Variants in NUP155 observed in about 807,000 individuals in gnomAD.
NUP155 encodes the protein nucleoporin 155, also known as nuclear pore complex protein Nup155.
Under a neutral mutation model 180.4 loss-of-function variants are expected in NUP155, and 71 were observed. The observed-to-expected ratio is 0.39, with a 90% CI of 0.33 to 0.48. The LOEUF is 0.48. Among genes scored for constraint, NUP155 ranks in the 20% least tolerant of loss-of-function variants. The pLI is 0.91. For synonymous variants in NUP155, 582 were observed against 559.5 expected (o/e 1.04, Z -0.57); for missense variants, 1,553 against 1,648.9 (o/e 0.94, Z 1.01).
intron 9 of NUP155, among the ~76,000 whole-genome samples, chr5:37,346,471 A>C (rs1746094132): frequency 6.6e-6 from 1 of 152,212 alleles, no homozygotes; most frequent in South Asian, 2.1e-4. Context: ...CAGGAGGTCG[A>C]GACCAGCCTG....
At chr5:37,358,034 G>A (rs746639684) in intron 4 of NUP155, 47 bp downstream of exon 4, 1 of 1,303,670 alleles carries the variant, frequency 7.7e-7, no homozygotes, top group Admixed American at 1.7e-5. Flanking sequence ...ACCATTTGGA[G>A]TTTACATATA....
intron 11 of NUP155, among the ~76,000 whole-genome samples, chr5:37,339,381 G>A (rs964561645): frequency 6.6e-6 from 1 of 150,648 alleles, no homozygotes; most frequent in Non-Finnish European, 1.5e-5. Context: ...TAATCCTAGC[G>A]CTTTGGGAGG....
At position 37,288,534 on chromosome 5, in the gene NUP155, G is replaced by A. The variant is rs1198162914; in HGVS notation, c.*3366C>T. The A allele has an allele frequency of 6.6e-6, 1 of 151,948 alleles. No individual in the cohort carries two copies. The highest frequency in any genetic ancestry group is 1.5e-5 in the Non-Finnish European group (1 of 68,000). 9.4% of individuals were successfully genotyped at this position (151,948 alleles called of 1,614,324 possible). On this transcript the variant is annotated 3_prime_UTR_variant, in exon 35 of 35. Transcript: ENST00000231498. ...TTCACAACTTCAATGATTCTTCACT[G>A]CCCACAATTAACGCACTGTTTCATA...
chr5:37,324,023 G>C lies in NUP155; in HGVS notation c.2176C>G (p.Gln726Glu). The C allele has an allele frequency of 6.2e-7, 1 of 1,612,216 alleles. No individual in the cohort carries two copies. The highest frequency in any genetic ancestry group is 8.5e-7 in the Non-Finnish European group (1 of 1,178,394). The change falls in exon 20 of 35, where the codon CAG (glutamine) becomes GAG (glutamate). Residue 726 changes from glutamine to glutamate, a missense_variant. Physicochemically the swap from Gln to Glu is conservative, Grantham distance 29. Coordinates refer to ENST00000231498, the MANE Select transcript of NUP155 (RefSeq NM_153485.3). ...GLQEFLDRNS[Q>E]FAGGPLGNPN... ...TTTCCTAATGGTCCTCCTGCAAACT[G>C]GGAGTTTCTGTCTAGAAATTCCTGC...
At chr5:37,303,483 TA>T in intron 27 of NUP155, 69 bp from the exon 28 acceptor site, 1 of 1,333,716 alleles carries the variant, frequency 7.5e-7, no homozygotes, top group Non-Finnish European at 1.1e-6. Context: ...ATAAGGAAAA[TA>T]TAGTATTTTT....
At chr5:37,300,394 T>G (rs1742800736) in intron 30 of NUP155, among the ~76,000 whole-genome samples, 1 of 152,214 alleles carries the variant, frequency 6.6e-6, no homozygotes, top group Non-Finnish European at 1.5e-5. Flanking sequence ...TTGTACCCAT[T>G]AACCATCCCC....
At chr5:37,367,574 C>G (rs1196328047) in intron 1 of NUP155, among the ~76,000 whole-genome samples, 1 of 151,646 alleles carries the variant, frequency 6.6e-6, no homozygotes, top group Admixed American at 6.6e-5. Context: ...ACTCTGTCGC[C>G]CAGGCTGGAA....
intron 32 of NUP155, among the ~76,000 whole-genome samples, chr5:37,296,390 C>T (rs1742571996): frequency 6.6e-6 from 1 of 152,012 alleles, no homozygotes; most frequent in South Asian, 2.1e-4. Context: ...CAACCCTGTG[C>T]TCTCTGAAAC....
rs185108814 is a variant in NUP155, at chr5:37,354,605, T to C, written c.464-1776A>G. Among the ~76,000 whole-genome samples, 39 of 151,672 alleles carry C rather than the reference T, an allele frequency of 2.6e-4. No individual in the cohort carries two copies. In the East Asian group the frequency reaches 7.5e-3, roughly 29 times the overall value. ...TCATGAATAGCTGGGACTACAGGCA[T>C]GCACCACCATGCCTGGCTTATGTTT... On this transcript the variant is annotated intron_variant, in intron 4 of 34. Transcript: ENST00000231498.
At chr5:37,294,510 G>C (rs1742414851) in intron 32 of NUP155, 45 bp from the exon 33 acceptor site, 2 of 1,558,054 alleles carry the variant, frequency 1.3e-6, no homozygotes, top group Non-Finnish European at 1.8e-6. Flanking sequence ...TTTAGCTCTT[G>C]ATACTAAAAG....
intron 10 of NUP155, among the ~76,000 whole-genome samples, 172 bp from the exon 11 acceptor site, chr5:37,341,414 T>G (rs1424790430): frequency 6.6e-6 from 1 of 152,218 alleles, no homozygotes; most frequent in Non-Finnish European, 1.5e-5. Flanking sequence ...CAGGCTGGAG[T>G]GCAGTGGCGC....
intron 20 of NUP155, among the ~76,000 whole-genome samples, chr5:37,323,068 G>T (rs2150959892): frequency 6.6e-6 from 1 of 152,082 alleles, no homozygotes; most frequent in African/African-American, 2.4e-5. Flanking sequence ...GGATGATGAG[G>T]TCAGGAGTTC....
At chr5:37,331,908 C>A in intron 13 of NUP155, 113 bp from the exon 14 acceptor site, 2 of 734,194 alleles carry the variant, frequency 2.7e-6, no homozygotes, top group Non-Finnish European at 4.8e-6. Context: ...AACCATTCAA[C>A]AATACAAAGT....
At chr5:37,335,652 A>T (rs1206358926) in intron 12 of NUP155, among the ~76,000 whole-genome samples, 1 of 151,822 alleles carries the variant, frequency 6.6e-6, no homozygotes, top group Non-Finnish European at 1.5e-5. Flanking sequence ...ATATAATAAC[A>T]TTTAAAAATG....
rs1484910537 is a variant in NUP155, at chr5:37,291,619, A to T, written c.*281T>A. Reference sequence around the variant, plus strand: ...ATATAAATTCGAAATTTCTGCCTGCAGTACAATTCAAAATAAGAGTTTCTA... The same window carrying T: ...ATATAAATTCGAAATTTCTGCCTGCTGTACAATTCAAAATAAGAGTTTCTA... On this transcript the variant is annotated 3_prime_UTR_variant, in exon 35 of 35. Coordinates refer to ENST00000231498, the MANE Select transcript of NUP155 (RefSeq NM_153485.3). The T allele has an allele frequency of 3.3e-6, 1 of 301,100 alleles. No homozygotes were observed. Among genetic ancestry groups the T allele is most frequent in the South Asian group, 3.8e-5 (1 of 26,520 alleles). 18.7% of individuals were successfully genotyped at this position (301,100 alleles called of 1,614,324 possible). A position where few individuals can be genotyped will look rare whatever the true frequency, so the allele number is the denominator to read the frequency against.
At chr5:37,335,194 C>A (rs1363692748) in intron 12 of NUP155, among the ~76,000 whole-genome samples, 2 of 148,630 alleles carry the variant, frequency 1.3e-5, no homozygotes, top group East Asian at 3.9e-4. Context: ...CCAGCCTAGG[C>A]AATATAATGA....
At chr5:37,359,880 G>A (rs187153212) in intron 3 of NUP155, among the ~76,000 whole-genome samples, 85 of 152,298 alleles carry the variant, frequency 5.6e-4, no homozygotes, top group African/African-American at 1.9e-3. Context: ...AAAGTTGGGA[G>A]GTTGAGACGT....
intron 11 of NUP155, among the ~76,000 whole-genome samples, chr5:37,338,442 T>C (rs1261528371): frequency 1.4e-5 from 2 of 148,004 alleles, no homozygotes; most frequent in South Asian, 2.2e-4. Flanking sequence ...GGAGTCTCGC[T>C]GTCACCCAGG....
intron 20 of NUP155, 112 bp from the exon 21 acceptor site, chr5:37,318,197 G>T (rs1744025773): frequency 2.7e-6 from 2 of 751,260 alleles, no homozygotes; most frequent in Non-Finnish European, 2.3e-6. Flanking sequence ...AATTCAGAAG[G>T]TTGGGCAACC....
Sources: allele counts gnomAD v4.1 joint callset (sites outside exome capture counted in the v4.1 genomes callset), GRCh38; gene constraint gnomAD v4.1.1; transcripts MANE v1.5; gene names NCBI Gene and HGNC (gene_info 2026-07-23, HGNC 2026-07-21).